CCDC7: variants seen among roughly 807,000 people sequenced by gnomAD.
CCDC7 encodes coiled-coil domain containing 7, also known as coiled-coil domain-containing protein 7.
A neutral mutation model predicts 196.9 loss-of-function variants in CCDC7; 183 were observed. The ratio of observed to expected loss-of-function variants is 0.93; its 90% CI spans 0.82 to 1.05. CCDC7 has a LOEUF of 1.05. Ranked by LOEUF, CCDC7 falls within the 50% of genes least tolerant of loss-of-function variation. The pLI is 0.00. For synonymous variants in CCDC7, 525 were observed against 484.6 expected (o/e 1.08, Z -1.10); for missense variants, 1,540 against 1,482.2 (o/e 1.04, Z -0.64).
At chr10:32,861,614 A>G (rs1328032951) in intron 41 of CCDC7, among the ~76,000 whole-genome samples, 1 of 152,238 alleles carries the variant, frequency 6.6e-6, no homozygotes, top group Non-Finnish European at 1.5e-5. Context: ...AAAAGAAACT[A>G]TCATCATAGT....
At chr10:32,823,877 A>G (rs1196088735) in intron 31 of CCDC7, among the ~76,000 whole-genome samples, 1 of 152,212 alleles carries the variant, frequency 6.6e-6, no homozygotes, top group Non-Finnish European at 1.5e-5. Context: ...CCAGCTGTAA[A>G]GTCCGCCTGC....
At chr10:32,817,249 CA>C (rs2088902918) in intron 31 of CCDC7, among the ~76,000 whole-genome samples, 2 of 151,852 alleles carry the variant, frequency 1.3e-5, no homozygotes, top group African/African-American at 4.8e-5. Flanking sequence ...GATGGAAGAT[CA>C]AATGAATGAA....
At chr10:32,531,441 GTGT>G (rs1249748172) in intron 11 of CCDC7, among the ~76,000 whole-genome samples, 3 of 152,078 alleles carry the variant, frequency 2.0e-5, no homozygotes, top group Non-Finnish European at 2.9e-5. Flanking sequence ...ATCTTTAAAG[GTGT>G]TGTTGAATGT....
intron 39 of CCDC7, among the ~76,000 whole-genome samples, chr10:32,849,116 T>A (rs560036907): frequency 6.7e-6 from 1 of 150,290 alleles, no homozygotes; most frequent in Non-Finnish European, 1.5e-5. Flanking sequence ...TGGGTTTTGT[T>A]TTTTTTTTTT....
At chr10:32,691,288 T>C (rs1224675444) in intron 23 of CCDC7, among the ~76,000 whole-genome samples, 1 of 152,164 alleles carries the variant, frequency 6.6e-6, no homozygotes, top group African/African-American at 2.4e-5. Context: ...TATGTGTTGG[T>C]ACCCATGGCC....
intron 9 of CCDC7, among the ~76,000 whole-genome samples, chr10:32,508,815 T>C (rs541948346): frequency 2.4e-4 from 36 of 152,048 alleles, no homozygotes; most frequent in Admixed American, 7.2e-4. Context: ...GTATTTTTAG[T>C]AGAGACGGGG....
intron 20 of CCDC7, among the ~76,000 whole-genome samples, chr10:32,657,332 C>T (rs2070171921): frequency 6.6e-6 from 1 of 152,252 alleles, no homozygotes; most frequent in African/African-American, 2.4e-5. Flanking sequence ...CAGAGGTTCT[C>T]CGTGAATGCT....
chr10:32,723,231 G>C (rs1347935504), intron 25 of CCDC7, among the ~76,000 whole-genome samples: 2 of 152,128 alleles, frequency 1.3e-5, no homozygotes, highest in African/African-American at 4.8e-5. Context: ...GTCCTGGAGA[G>C]AGTGCGTGAT....
chr10:32,668,352 AC>A (rs1378794231), intron 21 of CCDC7, among the ~76,000 whole-genome samples: 1 of 152,062 alleles, frequency 6.6e-6, no homozygotes, highest in Non-Finnish European at 1.5e-5. Context: ...CTAATTGAAT[AC>A]CCTTTATTTC....
chr10:32,876,379 C>T, exon 42 of CCDC7: 1 of 1,610,852 alleles, frequency 6.2e-7, no homozygotes, highest in Non-Finnish European at 8.5e-7. Flanking sequence ...ATCTGTACCA[C>T]ACCCATACTT....
intron 35 of CCDC7, 74 bp from the exon 37 acceptor site, chr10:32,845,802 C>CAA: frequency 7.3e-6 from 9 of 1,225,166 alleles, no homozygotes; most frequent in Non-Finnish European, 9.5e-6. Context: ...CACATACACA[C>CAA]ACACACAGAT....
At chr10:32,638,871 T>A (rs1220005558) in intron 20 of CCDC7, among the ~76,000 whole-genome samples, 1 of 152,186 alleles carries the variant, frequency 6.6e-6, no homozygotes, top group Admixed American at 6.5e-5. Context: ...GGACTTTTTT[T>A]GGTTGGTAAG....
chr10:32,703,423 CA>C (rs2079113337), intron 24 of CCDC7, among the ~76,000 whole-genome samples: 1 of 151,946 alleles, frequency 6.6e-6, no homozygotes, highest in Non-Finnish European at 1.5e-5. Context: ...GGTAACGCGA[CA>C]TTTCTTTCTG....
intron 24 of CCDC7, among the ~76,000 whole-genome samples, chr10:32,704,194 G>T (rs1274560030): frequency 6.6e-6 from 1 of 152,118 alleles, no homozygotes; most frequent in East Asian, 1.9e-4. Context: ...TTTTGGTGTG[G>T]ATGTCCTTTC....
Position 32,497,405 on chromosome 10 carries a change from G to A in CCDC7, c.872+5408G>A, listed in dbSNP as rs190688672. Among the ~76,000 whole-genome samples, 1,039 of 152,162 alleles carry A rather than the reference G, an allele frequency of 6.8e-3. 4 individuals are homozygous for A. The highest frequency in any genetic ancestry group is 0.011 in the Non-Finnish European group (773 of 68,018). The stretch of plus-strand genomic sequence containing the variant: ...TCTCTATCTCCTTCAGTTCTGCTCC[G>A]ATCTTAGTTATTTCTTGTCTTCTTC... On this transcript the variant is annotated intron_variant, in intron 9 of 41. Coordinates refer to ENST00000639629, the Ensembl canonical transcript of CCDC7.
chr10:32,583,177 A>G, exon 17 of CCDC7: 2 of 1,231,588 alleles, frequency 1.6e-6, no homozygotes, highest in Non-Finnish European at 2.0e-6. Flanking sequence ...GAGACCCATG[A>G]TAAATCACTT....
chr10:32,677,998 GCTAT>G (rs899759381), intron 21 of CCDC7, among the ~76,000 whole-genome samples: 12 of 151,702 alleles, frequency 7.9e-5, no homozygotes, highest in Admixed American at 7.2e-4. Flanking sequence ...TGCTTTTGAG[GCTAT>G]CTATGAAATT....
At chr10:32,635,332 T>G (rs991021000) in intron 20 of CCDC7, among the ~76,000 whole-genome samples, 174 bp downstream of exon 21, 3 of 152,204 alleles carry the variant, frequency 2.0e-5, no homozygotes, top group African/African-American at 7.2e-5. Flanking sequence ...TCCACTATGA[T>G]TGTGAATTTC....
At chr10:32,597,267 G>A (rs535173764) in intron 18 of CCDC7, among the ~76,000 whole-genome samples, 29 of 151,934 alleles carry the variant, frequency 1.9e-4, no homozygotes, top group Non-Finnish European at 2.5e-4. Flanking sequence ...CATTTCATTC[G>A]TTTGATCTTC....
Sources: allele counts gnomAD v4.1 joint callset (sites outside exome capture counted in the v4.1 genomes callset), GRCh38; gene constraint gnomAD v4.1.1; transcripts MANE v1.5; gene names NCBI Gene and HGNC (gene_info 2026-07-23, HGNC 2026-07-21).